The following TRIM29 variants were observed in gnomAD, a reference collection of about 807,000 sequenced individuals.
The protein encoded by TRIM29 is tripartite motif-containing protein 29.
Under a neutral mutation model 57.3 loss-of-function variants are expected in TRIM29, and 52 were observed. The observed-to-expected ratio is 0.91, with a 90% CI of 0.73 to 1.14. TRIM29 has a LOEUF of 1.14. Ranked by LOEUF, TRIM29 falls within the 50% of genes most tolerant of loss-of-function variation. TRIM29 has a pLI of 0.00. For synonymous variants in TRIM29, 319 were observed against 316.9 expected (o/e 1.01, Z -0.07); for missense variants, 753 against 774.6 (o/e 0.97, Z 0.33).
At chr11:120,115,262 G>T in intron 8 of TRIM29, 76 bp downstream of exon 8, 2 of 1,439,900 alleles carry the variant, frequency 1.4e-6, no homozygotes, top group East Asian at 2.3e-5. Context: ...CCCTGGAACC[G>T]ATTGCCTCCA....
In TRIM29 at chr11:120,112,405, G is replaced by A. The variant is rs187156970; in HGVS notation, c.*9C>T. The stretch of plus-strand genomic sequence containing the variant: ...AGGGGTGTGGCGCCTCGTTCCTTCC[G>A]CCAGGAGCTCATGGGGCTTCGTTGG... On this transcript the variant is annotated 3_prime_UTR_variant, in exon 9 of 9. Transcript: ENST00000341846. 2.0e-4 allele frequency: 318 copies of A among 1,613,452 alleles called. 2 individuals are homozygous for A. The African/African-American group carries it at 2.4e-3, about 12-fold the overall frequency.
At chr11:120,125,945 G>T (rs117860386) in intron 3 of TRIM29, 56 bp from the exon 4 acceptor site, 2 of 1,552,610 alleles carry the variant, frequency 1.3e-6, no homozygotes, top group South Asian at 1.2e-5. Context: ...CTATGAGGAC[G>T]CTTCTCTGCC....
At chr11:120,115,446 G>C in intron 7 of TRIM29, 32 bp from the exon 8 acceptor site, 1 of 1,602,960 alleles carries the variant, frequency 6.2e-7, no homozygotes, top group Non-Finnish European at 8.5e-7. Context: ...GTCAAAGGGA[G>C]CAGCGCTGGT....
At chr11:120,128,013 T>C (rs1863633307) in intron 2 of TRIM29, among the ~76,000 whole-genome samples, 1 of 152,182 alleles carries the variant, frequency 6.6e-6, no homozygotes, top group African/African-American at 2.4e-5. Context: ...AGATTGTGGT[T>C]TGCAATTACC....
In TRIM29 at chr11:120,137,741, G is replaced by T. The variant is rs770313288; in HGVS notation, c.291C>A (p.Asp97Glu). 6.2e-7 allele frequency: 1 copy of T among 1,612,528 alleles called. No individual in the cohort carries two copies. The highest frequency in any genetic ancestry group is 8.5e-7 in the Non-Finnish European group (1 of 1,180,016). ...ACGGCGACCTCTTGCCTTCCATAGA[G>T]TCCATGCTGAAGTAGTTGGAGTTCT... ...DDKNSNYFSM[D>E]SMEGKRSPYA... Residue 97 changes from aspartate (D) to glutamate (E), a missense_variant, in exon 1 of 9, where the codon GAC becomes GAA. Physicochemically the swap from Asp to Glu is conservative, Grantham distance 45. Transcript: ENST00000341846. This position sits in a 1 kb window ranked among gnomAD's most constrained non-coding sequence, Gnocchi z 6.2.
intron 3 of TRIM29, chr11:120,126,220 T>C (rs879227589): frequency 1.4e-5 from 3 of 222,006 alleles, no homozygotes; most frequent in East Asian, 9.7e-5. Context: ...GGAATTACTA[T>C]AGAATTTGGG....
chr11:120,131,253 A>G (rs930373099), intron 1 of TRIM29, among the ~76,000 whole-genome samples: 1 of 152,136 alleles, frequency 6.6e-6, no homozygotes, highest in South Asian at 2.1e-4. Flanking sequence ...GCCAAGACAG[A>G]CGAAGGAGAT....
At chr11:120,127,730 A>T (rs1171167079) in intron 2 of TRIM29, among the ~76,000 whole-genome samples, 161 bp from the exon 3 acceptor site, 1 of 152,074 alleles carries the variant, frequency 6.6e-6, no homozygotes, top group Non-Finnish European at 1.5e-5. Flanking sequence ...CAAAGGCATC[A>T]CTGAGGGATG....
intron 8 of TRIM29, among the ~76,000 whole-genome samples, chr11:120,114,398 A>G (rs770691412): frequency 2.0e-5 from 3 of 152,170 alleles, no homozygotes; most frequent in Non-Finnish European, 2.9e-5. Flanking sequence ...GCAATTAAAG[A>G]TCCTCTCCAA....
At chr11:120,122,036 C>G (rs1216363825) in intron 5 of TRIM29, 1 of 437,814 alleles carries the variant, frequency 2.3e-6, no homozygotes, top group African/African-American at 2.0e-5. Flanking sequence ...ACCAAGAAGC[C>G]CAGGGGTTGT....
In TRIM29 at chr11:120,112,364, G is replaced by T; in HGVS notation, c.*50C>A. The T allele has an allele frequency of 6.2e-7, 1 of 1,605,008 alleles. No individual in the cohort carries two copies. The highest frequency in any genetic ancestry group is 1.1e-5 in the South Asian group (1 of 90,814). On this transcript the variant is annotated 3_prime_UTR_variant, in exon 9 of 9. Transcript: ENST00000341846. ...GTAGCTTAGAAGGCAAGAGCAGCAG[G>T]GTCAGGAGGAAGAGCAGGGGTGTGG... is the stretch of plus-strand genomic sequence containing the variant.
At chr11:120,122,147 T>TGTGTGTGTGC (rs1429396901) in intron 5 of TRIM29, among the ~76,000 whole-genome samples, 4 of 140,662 alleles carry the variant, frequency 2.8e-5, no homozygotes, top group African/African-American at 1.1e-4. Context: ...TGTGTGTGTG[T>TGTGTGTGTGC]GTGTGTGTGT....
chr11:120,124,703 G>A (rs1305128087), intron 4 of TRIM29: 5 of 152,198 alleles, frequency 3.3e-5, no homozygotes, highest in Non-Finnish European at 5.9e-5. Context: ...CCAAATGATT[G>A]TCTTGCTGAA....
intron 8 of TRIM29, among the ~76,000 whole-genome samples, chr11:120,113,034 C>G (rs1457170352): frequency 1.3e-5 from 2 of 152,336 alleles, no homozygotes; most frequent in East Asian, 3.9e-4. Context: ...ACCCACACCC[C>G]CAGCTGCCAG....
At chr11:120,113,123 A>G (rs530702) in intron 8 of TRIM29, among the ~76,000 whole-genome samples, 130,860 of 152,120 alleles carry the variant, frequency 0.86, 56,495 homozygotes, top group African/African-American at 0.93. Context: ...CCTTACAGAA[A>G]GGGTGCAGAG....
chr11:120,115,278 C>T, intron 8 of TRIM29, 60 bp downstream of exon 8: 1 of 1,547,128 alleles, frequency 6.5e-7, no homozygotes, highest in South Asian at 1.2e-5. Context: ...CTCCAGGGAG[C>T]CCCCTTCAGT....
chr11:120,132,243 A>G (rs1402720424), intron 1 of TRIM29, among the ~76,000 whole-genome samples: 2 of 148,892 alleles, frequency 1.3e-5, no homozygotes, highest in Admixed American at 6.7e-5. Context: ...CACCCTCCCC[A>G]TTGTCCTCTG....
intron 1 of TRIM29, among the ~76,000 whole-genome samples, chr11:120,135,546 C>T (rs1353349506): frequency 1.3e-5 from 2 of 152,158 alleles, no homozygotes; most frequent in Admixed American, 6.5e-5. Context: ...TTCTGTCTAA[C>T]CTCCCAAGTA....
intron 8 of TRIM29, among the ~76,000 whole-genome samples, chr11:120,112,963 C>T (rs1253183392): frequency 6.6e-6 from 1 of 152,130 alleles, no homozygotes. Context: ...GCAACTTGCC[C>T]AAGGTCACTC....
Sources: allele counts gnomAD v4.1 joint callset (sites outside exome capture counted in the v4.1 genomes callset), GRCh38; gene constraint gnomAD v4.1.1; non-coding constraint Gnocchi (gnomAD v3.1); transcripts MANE v1.5; gene names NCBI Gene and HGNC (gene_info 2026-07-23, HGNC 2026-07-21).